Variants in PRKG1 observed in about 807,000 individuals in gnomAD.
The protein encoded by PRKG1 is cGMP-dependent protein kinase 1.
PRKG1 carries 35 observed loss-of-function variants against 88.1 expected under a neutral mutation model. That is an observed-to-expected ratio of 0.40 (90% CI 0.30 to 0.53). The LOEUF (loss-of-function observed/expected upper bound fraction) is 0.53, where lower values mean the gene tolerates loss of function less well. PRKG1 is among the 20% of genes least tolerant of loss of function. The pLI, the probability that PRKG1 is intolerant of heterozygous loss-of-function variation, is 0.59. For missense variants in PRKG1, 540 were observed against 839.8 expected (o/e 0.64, Z 4.41); for synonymous variants, 303 against 292.5 (o/e 1.04, Z -0.37).
chr10:51,837,152 C>T (rs1397550743), intron 4 of PRKG1, among the ~76,000 whole-genome samples: 1 of 152,092 alleles, frequency 6.6e-6, no homozygotes, highest in Admixed American at 6.6e-5. Flanking sequence ...TTTCAGTTAA[C>T]GTGATTGAAC....
intron 8 of PRKG1, among the ~76,000 whole-genome samples, chr10:52,134,775 G>A (rs899283909): frequency 3.3e-5 from 5 of 152,074 alleles, no homozygotes; most frequent in East Asian, 1.9e-4. Flanking sequence ...GCTGGATGCC[G>A]AGCTCAGAGG....
chr10:52,166,791 A>ATG lies in PRKG1; in HGVS notation c.1076+4829_1076+4830insGT, dbSNP rs1564498311. Among the ~76,000 whole-genome samples, 266 of 36,862 alleles carry ATG rather than the reference A, an allele frequency of 7.2e-3. 8 individuals are homozygous for ATG. Among genetic ancestry groups the ATG allele is most frequent in the African/African-American group, 0.026 (248 of 9,430 alleles). 24.2% of individuals were successfully genotyped at this position (36,862 alleles called of 152,430 possible). The stretch of plus-strand genomic sequence containing the variant: ...TATTTCTTCAAATAAAAAAGCCTAT[A>ATG]TATATACATATATATATGTATATAT... On this transcript the variant is annotated intron_variant, in intron 9 of 17. Coordinates refer to ENST00000373980, the MANE Select transcript of PRKG1 (RefSeq NM_006258.4).
intron 4 of PRKG1, among the ~76,000 whole-genome samples, chr10:51,890,310 G>T (rs1841687111): frequency 6.6e-6 from 1 of 151,954 alleles, no homozygotes; most frequent in Non-Finnish European, 1.5e-5. Context: ...TAATTCCTTT[G>T]GATTATGACA....
chr10:52,109,360 C>T (rs530243469), intron 7 of PRKG1, among the ~76,000 whole-genome samples: 3 of 152,232 alleles, frequency 2.0e-5, no homozygotes, highest in South Asian at 2.1e-4. Context: ...AAATCAAAGG[C>T]GTAAAACCAG....
intron 9 of PRKG1, among the ~76,000 whole-genome samples, chr10:52,227,246 T>C (rs1024803172): frequency 5.9e-5 from 9 of 152,162 alleles, no homozygotes; most frequent in African/African-American, 1.7e-4. Context: ...AGTGGCACCA[T>C]CTAAGATTAT....
intron 3 of PRKG1, among the ~76,000 whole-genome samples, chr10:51,591,887 C>T (rs1402315212): frequency 6.6e-6 from 1 of 152,150 alleles, no homozygotes; most frequent in Non-Finnish European, 1.5e-5. Context: ...CAGGTACATG[C>T]TTTCATTTCA....
intron 2 of PRKG1, among the ~76,000 whole-genome samples, chr10:51,254,175 G>A (rs1839497258): frequency 6.6e-6 from 1 of 151,880 alleles, no homozygotes; most frequent in Admixed American, 6.6e-5. Context: ...TTGAAGCATT[G>A]ATTGATTTTT....
At chr10:51,392,914 ACCCCCACCTCCCTCCCG>A (rs1837461761) in intron 2 of PRKG1, among the ~76,000 whole-genome samples, 1 of 45,096 alleles carries the variant, frequency 2.2e-5, no homozygotes, top group Non-Finnish European at 5.4e-5. Flanking sequence ...GGGGCTGACC[ACCCCCACCTCCCTCCCG>A]GACGGGGCGG....
chr10:51,420,854 G>A (rs1216057027), intron 2 of PRKG1, among the ~76,000 whole-genome samples: 1 of 152,184 alleles, frequency 6.6e-6, no homozygotes, highest in East Asian at 1.9e-4. Flanking sequence ...AGAAGCTGAA[G>A]CAGGAGCGGG....
chr10:51,634,789 A>G (rs1839614730), intron 3 of PRKG1, among the ~76,000 whole-genome samples: 1 of 152,142 alleles, frequency 6.6e-6, no homozygotes, highest in Admixed American at 6.6e-5. Flanking sequence ...TTGCAGCAAC[A>G]TGGATGAAGA....
At chr10:52,269,135 A>AC (rs1377762781) in intron 10 of PRKG1, among the ~76,000 whole-genome samples, 2 of 152,044 alleles carry the variant, frequency 1.3e-5, no homozygotes, top group African/African-American at 4.8e-5. Flanking sequence ...GCATTTTTGA[A>AC]CAACTGCACA....
chr10:51,621,009 G>GTATATATATATATATATATATATA (rs55657310), intron 3 of PRKG1, among the ~76,000 whole-genome samples: 12 of 121,898 alleles, frequency 9.8e-5, no homozygotes, highest in Admixed American at 5.2e-4. Context: ...GTATATGTGT[G>GTATATATATATATATATATATATA]TATATATATA....
chr10:51,889,342 GAA>G (rs1341135764), intron 4 of PRKG1, among the ~76,000 whole-genome samples: 1 of 151,666 alleles, frequency 6.6e-6, no homozygotes, highest in African/African-American at 2.4e-5. Flanking sequence ...AGTTTGCTGA[GAA>G]TGATGATTTC....
At chr10:51,087,263 A>G (rs1844276998) in intron 1 of PRKG1, among the ~76,000 whole-genome samples, 1 of 152,024 alleles carries the variant, frequency 6.6e-6, no homozygotes, top group African/African-American at 2.4e-5. Context: ...GTTACTTTTT[A>G]GCCTTGTCTT....
At chr10:51,263,605 C>T (rs572292382) in intron 2 of PRKG1, among the ~76,000 whole-genome samples, 6 of 152,176 alleles carry the variant, frequency 3.9e-5, no homozygotes, top group South Asian at 4.1e-4. Flanking sequence ...TCTTTATGTC[C>T]TCATGCAATT....
At chr10:51,083,084 G>A (rs1439031988) in intron 1 of PRKG1, among the ~76,000 whole-genome samples, 1 of 152,016 alleles carries the variant, frequency 6.6e-6, no homozygotes, top group Non-Finnish European at 1.5e-5. Context: ...GTTTCTTTTT[G>A]AGCAACCCAA....
intron 9 of PRKG1, among the ~76,000 whole-genome samples, chr10:52,219,070 G>T (rs1170391464): frequency 6.6e-6 from 1 of 151,962 alleles, no homozygotes; most frequent in East Asian, 1.9e-4. Context: ...TTCCCTTGTG[G>T]GACTTTTTTG....
rs200939677 is a variant in PRKG1 at position 51,439,011 on chromosome 10, T to TA, written c.479-28712_479-28711insA. ...CAACAACTAATTGGGATTTTTTTTTTTAAAAAAAAAGAGAAACCAATCCAA... is the reference window on the plus strand; with the variant it reads ...CAACAACTAATTGGGATTTTTTTTTTATAAAAAAAAAGAGAAACCAATCCAA... On this transcript the variant is annotated intron_variant, in intron 2 of 17. Transcript: ENST00000373980. Among the ~76,000 whole-genome samples, 520 of 137,722 alleles carry TA rather than the reference T, an allele frequency of 3.8e-3. 3 individuals are homozygous for TA. The highest frequency in any genetic ancestry group is 0.021 in the East Asian group (97 of 4,672). 90.4% of individuals were successfully genotyped at this position (137,722 alleles called of 152,430 possible). A position where few individuals can be genotyped will look rare whatever the true frequency, so the allele number is the denominator to read the frequency against.
At chr10:51,325,830 A>G (rs1271076760) in intron 2 of PRKG1, among the ~76,000 whole-genome samples, 4 of 151,792 alleles carry the variant, frequency 2.6e-5, no homozygotes, top group South Asian at 2.1e-4. Flanking sequence ...CCTGACAGCA[A>G]CCTCCTCAGG....
Sources: allele counts gnomAD v4.1 joint callset (sites outside exome capture counted in the v4.1 genomes callset), GRCh38; gene constraint gnomAD v4.1.1; transcripts MANE v1.5; gene names NCBI Gene and HGNC (gene_info 2026-07-23, HGNC 2026-07-21).